WWP2: variants seen among roughly 807,000 people sequenced by gnomAD.
The protein encoded by WWP2 is WW domain containing E3 ubiquitin protein ligase 2.
A neutral mutation model predicts 121.0 loss-of-function variants in WWP2; 57 were observed. That is an observed-to-expected ratio of 0.47 (90% CI 0.38 to 0.59). The LOEUF is 0.59. WWP2 is among the 20% of genes least tolerant of loss of function. The pLI is 0.00. For missense variants in WWP2, 962 were observed against 1,158.9 expected (o/e 0.83, Z 2.47); for synonymous variants, 449 against 441.3 (o/e 1.02, Z -0.22).
intron 4 of WWP2, among the ~76,000 whole-genome samples, chr16:69,837,226 G>C (rs1171794843): frequency 6.6e-6 from 1 of 151,648 alleles, no homozygotes; most frequent in Non-Finnish European, 1.5e-5. Context: ...AGCCTGGCTG[G>C]CTGCTTTTAA....
chr16:69,874,919 G>T (rs905906434), intron 7 of WWP2, among the ~76,000 whole-genome samples: 4 of 152,094 alleles, frequency 2.6e-5, no homozygotes, highest in African/African-American at 9.7e-5. Context: ...CTACTCAGGA[G>T]GCTGAGCCAG....
At chr16:69,909,455 C>T in intron 9 of WWP2, 1 of 985,444 alleles carries the variant, frequency 1.0e-6, no homozygotes, top group East Asian at 1.1e-4. Flanking sequence ...CTTAGGAGAG[C>T]CCGTGTGCCC....
chr16:69,888,011 C>A (rs750993298), intron 7 of WWP2, 28 bp from the exon 8 acceptor site: 1 of 1,611,040 alleles, frequency 6.2e-7, no homozygotes, highest in South Asian at 1.1e-5. Context: ...CTTAGTTGAT[C>A]TTTAAAGTAT....
At chr16:69,835,302 G>A (rs753386199) in intron 4 of WWP2, among the ~76,000 whole-genome samples, 2 of 152,088 alleles carry the variant, frequency 1.3e-5, no homozygotes, top group Admixed American at 1.3e-4. Flanking sequence ...CCACACTTAC[G>A]CCTTTCAGCC....
At chr16:69,857,394 A>AACTTTCC (rs2057337302) in intron 6 of WWP2, among the ~76,000 whole-genome samples, 1 of 152,136 alleles carries the variant, frequency 6.6e-6, no homozygotes, top group African/African-American at 2.4e-5. Flanking sequence ...CGCCTGGCGT[A>AACTTTCC]ACTTTCCACT....
At chr16:69,897,502 C>CT (rs2058123388) in intron 8 of WWP2, among the ~76,000 whole-genome samples, 1 of 152,166 alleles carries the variant, frequency 6.6e-6, no homozygotes, top group African/African-American at 2.4e-5. Context: ...ATCTCATTCC[C>CT]TGTATACAGT....
chr16:69,822,332 C>T (rs772904948), intron 4 of WWP2, among the ~76,000 whole-genome samples: 3 of 152,174 alleles, frequency 2.0e-5, no homozygotes, highest in Non-Finnish European at 4.4e-5. Flanking sequence ...CAGTAAGCAC[C>T]TTTGAATTCC....
rs932985635 is a variant in WWP2, at chr16:69,853,979, G to A, written c.575+11859G>A. 2.6e-5 allele frequency among the ~76,000 whole-genome samples: 4 copies of A among 152,328 alleles called. No homozygotes were observed. The South Asian group carries it at 6.2e-4, about 24-fold the overall frequency. On this transcript the variant is annotated intron_variant, in intron 6 of 23. Coordinates refer to ENST00000359154, the MANE Select transcript of WWP2 (RefSeq NM_001270454.2). Reference sequence around the variant, plus strand: ...GGGGCAGAGTCATTTCTCTGAAAGTGCACCCATAGGAGGAGGAATGAGAAC... The same window carrying A: ...GGGGCAGAGTCATTTCTCTGAAAGTACACCCATAGGAGGAGGAATGAGAAC...
intron 4 of WWP2, among the ~76,000 whole-genome samples, chr16:69,802,091 G>A (rs748493826): frequency 1.3e-5 from 2 of 151,692 alleles, no homozygotes; most frequent in Non-Finnish European, 2.9e-5. Context: ...CACCATGCCC[G>A]GCTAATTTTT....
intron 6 of WWP2, among the ~76,000 whole-genome samples, chr16:69,850,568 C>T (rs2057189737): frequency 6.6e-6 from 1 of 152,010 alleles, no homozygotes; most frequent in Admixed American, 6.6e-5. Context: ...TGGGGAAGAC[C>T]TCCCACATTT....
intron 4 of WWP2, among the ~76,000 whole-genome samples, chr16:69,836,146 A>T (rs1414742128): frequency 6.6e-6 from 1 of 152,210 alleles, no homozygotes; most frequent in Admixed American, 6.5e-5. Context: ...CATTAACAAT[A>T]ATTTCAAACA....
intron 1 of WWP2, among the ~76,000 whole-genome samples, chr16:69,781,926 A>C (rs886255859): frequency 6.6e-6 from 1 of 152,104 alleles, no homozygotes; most frequent in African/African-American, 2.4e-5. Flanking sequence ...CCCTGAAGTA[A>C]CATCAATCTG....
At chr16:69,829,563 T>A (rs937737900) in intron 4 of WWP2, among the ~76,000 whole-genome samples, 2 of 152,162 alleles carry the variant, frequency 1.3e-5, no homozygotes, top group African/African-American at 4.8e-5. Context: ...TGGATGGTCT[T>A]CCTCCCTGCC....
At chr16:69,833,101 C>A (rs2056820433) in intron 4 of WWP2, among the ~76,000 whole-genome samples, 1 of 146,222 alleles carries the variant, frequency 6.8e-6, no homozygotes, top group Admixed American at 6.8e-5. Flanking sequence ...TCAAGCGAGC[C>A]CCCTGCCTTG....
In WWP2 at chr16:69,799,447, G is replaced by GA; in HGVS notation, c.340+152_340+153insA. 14 of 1,097,872 alleles carry GA rather than the reference G, an allele frequency of 1.3e-5. No homozygotes were observed. Among genetic ancestry groups the GA allele is most frequent in the Non-Finnish European group, 1.6e-5 (13 of 795,384 alleles). The allele number at this position is 1,097,872 out of a possible 1,614,324, so 68.0% of individuals were successfully genotyped here. A position where few individuals can be genotyped will look rare whatever the true frequency, so the allele number is the denominator to read the frequency against. ...GTCTTTGGAGTTTTGGGAAGGCTGA[G>GA]GGCTCCTCTCTGCCTCCACTACAGA... On this transcript the variant is annotated intron_variant, in intron 4 of 23. Coordinates refer to ENST00000359154, the MANE Select transcript of WWP2 (RefSeq NM_001270454.2). This position sits in a 1 kb window ranked among gnomAD's most constrained non-coding sequence, Gnocchi z 4.5.
At chr16:69,909,748 A>G in intron 9 of WWP2, 1 of 934,482 alleles carries the variant, frequency 1.1e-6, no homozygotes, top group East Asian at 1.2e-4. Context: ...GTGTTTTGTT[A>G]TGAAAATTAT....
chr16:69,913,768 A>ATGGT (rs2058435951), intron 9 of WWP2, among the ~76,000 whole-genome samples: 2 of 151,922 alleles, frequency 1.3e-5, no homozygotes, highest in South Asian at 4.2e-4. Context: ...ATTCAGTAGA[A>ATGGT]TGGTTGAAAG....
At chr16:69,831,441 A>G (rs2056791989) in intron 4 of WWP2, among the ~76,000 whole-genome samples, 1 of 152,138 alleles carries the variant, frequency 6.6e-6, no homozygotes, top group South Asian at 2.1e-4. Context: ...TGGCAGTTAC[A>G]GTTTATGTAG....
intron 2 of WWP2, among the ~76,000 whole-genome samples, chr16:69,794,906 GGAAAAATGGCTTTAAAAAT>G (rs1345380984): frequency 7.9e-5 from 12 of 152,130 alleles, no homozygotes; most frequent in African/African-American, 2.7e-4. Flanking sequence ...CTGAATTGGG[GGAAAAATGGCTTTAAAAAT>G]ATGTCTGGGG....
Sources: gnomAD v4.1 joint callset for allele counts (sites outside exome capture counted in the v4.1 genomes callset) on GRCh38, gnomAD v4.1.1 for gene constraint, Gnocchi (gnomAD v3.1) non-coding constraint, MANE v1.5 for transcripts, NCBI Gene and HGNC (gene_info 2026-07-23, HGNC 2026-07-21) for gene names.